MCOLN1: variants seen among roughly 807,000 people sequenced by gnomAD.
The protein encoded by MCOLN1 is mucolipin TRP cation channel 1, also known as mucolipin-1.
In MCOLN1, 50 loss-of-function variants were observed where a neutral mutation model predicts 70.3. That is an observed-to-expected ratio of 0.71 (90% CI 0.57 to 0.90). The LOEUF is 0.90. MCOLN1 is among the 40% of genes least tolerant of loss of function. The pLI, the probability that MCOLN1 is intolerant of heterozygous loss-of-function variation, is 0.00. For synonymous variants in MCOLN1, 366 were observed against 341.0 expected (o/e 1.07, Z -0.81); for missense variants, 598 against 803.5 (o/e 0.74, Z 3.09).
chr19:7,528,754 G>A lies in MCOLN1; in HGVS notation c.984+51G>A. On this transcript the variant is annotated intron_variant, in intron 8 of 13. Transcript: ENST00000264079. This position sits in a 1 kb window ranked among gnomAD's most constrained non-coding sequence, Gnocchi z 4.2. ...GGTGTCCTCCCCGCCTGGCCCTGGG[G>A]CGATAAAAGCCAGGGCTTTGAGGGT... is the stretch of plus-strand genomic sequence containing the variant. The A allele has an allele frequency of 1.2e-6, 2 of 1,614,180 alleles. No individual in the cohort carries two copies. The highest frequency in any genetic ancestry group is 1.7e-6 in the Non-Finnish European group (2 of 1,180,012).
intron 10 of MCOLN1, 125 bp from the exon 11 acceptor site, chr19:7,529,465 G>A: frequency 7.8e-7 from 1 of 1,279,746 alleles, no homozygotes; most frequent in Non-Finnish European, 1.1e-6. Context: ...GGCACCCACT[G>A]GCTCCCATGA....
chr19:7,529,852 G>A (rs912724347), intron 11 of MCOLN1, 140 bp downstream of exon 11: 1 of 1,049,508 alleles, frequency 9.5e-7, no homozygotes, highest in African/African-American at 1.6e-5. Flanking sequence ...CACTGACCCT[G>A]TGCCATTATT....
chr19:7,526,715 C>T lies in MCOLN1; in HGVS notation c.406-46C>T. The stretch of plus-strand genomic sequence containing the variant: ...CGGGCAGGTGCAGGTGGGTGGGCTG[C>T]AGAGAGCGGGCCGGACTCACAGGCC... On this transcript the variant is annotated intron_variant, in intron 3 of 13. Coordinates refer to ENST00000264079, the MANE Select transcript of MCOLN1 (RefSeq NM_020533.3). The surrounding 1 kb of genome is among the most constrained non-coding windows in gnomAD (Gnocchi z 4.6). 6.2e-7 allele frequency: 1 copy of T among 1,609,028 alleles called. No individual in the cohort carries two copies. Among genetic ancestry groups the T allele is most frequent in the Non-Finnish European group, 8.5e-7 (1 of 1,179,536 alleles).
rs944644557 is a variant in MCOLN1 at position 7,526,153 on chromosome 19, C to T, written c.238-286C>T. 1.4e-5 allele frequency: 7 copies of T among 516,434 alleles called. No homozygotes were observed. In the East Asian group the frequency reaches 1.8e-4, roughly 13 times the overall value. The allele number at this position is 516,434 out of a possible 1,614,324, so 32.0% of individuals were successfully genotyped here. On this transcript the variant is annotated intron_variant, in intron 2 of 13. Coordinates refer to ENST00000264079, the MANE Select transcript of MCOLN1 (RefSeq NM_020533.3). This position sits in a 1 kb window ranked among gnomAD's most constrained non-coding sequence, Gnocchi z 4.6. ...GGACATCCAGTAAACATTTAATGAA[C>T]GTTAGTCCCTGCAGTGAGATAGATG...
intron 12 of MCOLN1, among the ~76,000 whole-genome samples, chr19:7,530,714 C>T (rs544933192): frequency 6.6e-6 from 1 of 152,182 alleles, no homozygotes; most frequent in South Asian, 2.1e-4. Context: ...TCAGTCTTTG[C>T]CAACAGGGCA....
chr19:7,523,305 T>C (rs1177923420), intron 1 of MCOLN1, among the ~76,000 whole-genome samples: 5 of 152,356 alleles, frequency 3.3e-5, no homozygotes, highest in African/African-American at 1.2e-4. Context: ...TAGCCAATTC[T>C]GATGCCACCC....
Position 7,522,667 on chromosome 19 carries a change from G to T in MCOLN1, c.-84G>T. The T allele has an allele frequency of 7.3e-7, 1 of 1,363,654 alleles. No homozygotes were observed. The highest frequency in any genetic ancestry group is 1.5e-5 in the South Asian group (1 of 68,698). The allele number at this position is 1,363,654 out of a possible 1,614,324, so 84.5% of individuals were successfully genotyped here. On this transcript the variant is annotated 5_prime_UTR_variant, in exon 1 of 14. Coordinates refer to ENST00000264079, the MANE Select transcript of MCOLN1 (RefSeq NM_020533.3). ...GAGGGTTTGAAGCCGCGCCGCGAGG[G>T]AGCGAGGTCGCAGTGACAGCGGCGG...
At chr19:7,523,133 C>G (rs1421056908) in intron 1 of MCOLN1, among the ~76,000 whole-genome samples, 1 of 152,244 alleles carries the variant, frequency 6.6e-6, no homozygotes, top group Non-Finnish European at 1.5e-5. Context: ...GCTTCTCCAA[C>G]CCGCACGTGA....
Position 7,527,284 on chromosome 19 carries a change from A to C in MCOLN1, c.572-236A>C, listed in dbSNP as rs570633914. On this transcript the variant is annotated intron_variant, in intron 4 of 13. Transcript: ENST00000264079. ...GAGACCCTGTCTCAAAAAAAAAAAA[A>C]AAAAAAAAAAACAAGTATGCTTAGT... 1.2e-3 allele frequency: 628 copies of C among 545,690 alleles called. 5 individuals are homozygous for C. The highest frequency in any genetic ancestry group is 0.011 in the African/African-American group (577 of 52,238). The allele number at this position is 545,690 out of a possible 1,614,324, so 33.8% of individuals were successfully genotyped here.
In MCOLN1 at chr19:7,531,669, A is replaced by C. The variant is rs1458274451; in HGVS notation, c.1575+1168A>C. 4.6e-5 allele frequency among the ~76,000 whole-genome samples: 7 copies of C among 150,836 alleles called. No homozygotes were observed. The East Asian group carries it at 5.9e-4, about 13-fold the overall frequency. ...GACCCTGCCCAAGGTTAGCTTCTTT[A>C]TTTATTTATTTTTTTTGAGACGGAG... On this transcript the variant is annotated intron_variant, in intron 12 of 13. Transcript: ENST00000264079.
chr19:7,528,327 G>C lies in MCOLN1; in HGVS notation c.877+70G>C, dbSNP rs2022602779. Reference sequence around the variant, plus strand: ...CTGTCCTGGGATTCCCCAAGCCCCAGATCAGCGCTGCCTGGGGGCCGTGAC... The same window carrying C: ...CTGTCCTGGGATTCCCCAAGCCCCACATCAGCGCTGCCTGGGGGCCGTGAC... On this transcript the variant is annotated intron_variant, in intron 7 of 13. Coordinates refer to ENST00000264079, the MANE Select transcript of MCOLN1 (RefSeq NM_020533.3). The surrounding 1 kb of genome is among the most constrained non-coding windows in gnomAD (Gnocchi z 4.2). 2 of 1,457,266 alleles carry C rather than the reference G, an allele frequency of 1.4e-6. No homozygotes were observed. Among genetic ancestry groups the C allele is most frequent in the African/African-American group, 1.4e-5 (1 of 71,702 alleles). The allele number at this position is 1,457,266 out of a possible 1,614,324, so 90.3% of individuals were successfully genotyped here.
chr19:7,533,494 A>G lies in MCOLN1; in HGVS notation c.1576-29A>G, dbSNP rs199919395. On this transcript the variant is annotated intron_variant, in intron 12 of 13. Transcript: ENST00000264079. ...GCCTTGGAGGTTGGGAGCCACTTTC[A>G]GGCTGAGCCTCCCGGCTTCTCTCCC... The G allele has an allele frequency of 6.8e-4, 1,089 of 1,609,926 alleles. 4 individuals carry two copies. The African/African-American group carries it at 0.011, about 17-fold the overall frequency.
Position 7,533,566 on chromosome 19 carries a change from A to G in MCOLN1, c.1619A>G (p.Tyr540Cys), listed in dbSNP as rs2022701374. ...GCAGAGGAGAGCGAGCTGCAGGCCT[A>G]CATCGCACAGTGCCAGGACAGCCCC... ...AGAEESELQAYIAQCQDSPTS... is the reference protein window; with the variant it reads ...AGAEESELQACIAQCQDSPTS... Residue 540 changes from tyrosine to cysteine, a missense_variant, in exon 13 of 14, where the codon TAC becomes TGC. This residue lies in a region of MCOLN1 where 59 missense variants were observed against 58.8 expected (regional missense o/e 1.00). Transcript: ENST00000264079. 6.2e-7 allele frequency: 1 copy of G among 1,612,448 alleles called. No homozygotes were observed.
Position 7,526,637 on chromosome 19 carries a change from A to G in MCOLN1, c.405+31A>G, listed in dbSNP as rs561487958. 1.5e-4 allele frequency: 217 copies of G among 1,437,206 alleles called. 1 individual carries two copies. Among genetic ancestry groups the G allele is most frequent in the African/African-American group, 5.1e-4 (32 of 63,120 alleles). The allele number at this position is 1,437,206 out of a possible 1,614,324, so 89.0% of individuals were successfully genotyped here. ...GGTGGGCGGGCAGGTGCTGGTGGGC[A>G]GGCAGGTGCAGGTGGGCGGGCAGGT... is the stretch of plus-strand genomic sequence containing the variant. On this transcript the variant is annotated intron_variant, in intron 3 of 13. Coordinates refer to ENST00000264079, the MANE Select transcript of MCOLN1 (RefSeq NM_020533.3). The surrounding 1 kb of genome is among the most constrained non-coding windows in gnomAD (Gnocchi z 4.6).
In MCOLN1 at chr19:7,527,032, T is replaced by C; in HGVS notation, c.571+106T>C. On this transcript the variant is annotated intron_variant, in intron 4 of 13. Transcript: ENST00000264079. ...GCTCACGCCTATAATACCAGCACTT[T>C]GGGAGGCTGAGGAGGAAGGATTGCT... 5.5e-6 allele frequency: 8 copies of C among 1,445,050 alleles called. No homozygotes were observed. The South Asian group carries it at 9.2e-5, about 17-fold the overall frequency. The allele number at this position is 1,445,050 out of a possible 1,614,324, so 89.5% of individuals were successfully genotyped here. A position where few individuals can be genotyped will look rare whatever the true frequency, so the allele number is the denominator to read the frequency against.
chr19:7,527,164 C>G (rs1383164949), intron 4 of MCOLN1: 11 of 605,068 alleles, frequency 1.8e-5, no homozygotes, highest in African/African-American at 1.7e-4. Flanking sequence ...CCCAGCTACT[C>G]AGGAGGCTGA....
rs750910015 is a variant in MCOLN1, at chr19:7,525,046, A to G, written c.117A>G (p.Glu39=). 6 of 1,614,128 alleles carry G rather than the reference A, an allele frequency of 3.7e-6. No homozygotes were observed. The highest frequency in any genetic ancestry group is 3.3e-5 in the Admixed American group (2 of 60,028). ...SPAPPTPPEE[E]DLRRRLKYFF... ...CCCCTCCGACACCCCCAGAAGAGGAAGACCTTCGCCGTCGTCTCAAATACT... is the reference window on the plus strand; with the variant it reads ...CCCCTCCGACACCCCCAGAAGAGGAGGACCTTCGCCGTCGTCTCAAATACT... Residue 39 remains glutamate (E), a synonymous_variant, in exon 2 of 14, where the codon GAA becomes GAG. Transcript: ENST00000264079. This position sits in a 1 kb window ranked among gnomAD's most constrained non-coding sequence, Gnocchi z 4.2.
At chr19:7,522,929 C>A in intron 1 of MCOLN1, 148 bp downstream of exon 1, 1 of 692,438 alleles carries the variant, frequency 1.4e-6, no homozygotes, top group Non-Finnish European at 2.1e-6. Context: ...GCTCCTAGAA[C>A]TTGGGCGGCG....
chr19:7,532,169 G>C (rs2018973740), intron 12 of MCOLN1, among the ~76,000 whole-genome samples: 1 of 152,242 alleles, frequency 6.6e-6, no homozygotes, highest in African/African-American at 2.4e-5. Flanking sequence ...TAAGGGCCAA[G>C]ATCTGTGCTG....
Sources: allele counts gnomAD v4.1 joint callset (sites outside exome capture counted in the v4.1 genomes callset), GRCh38; gene constraint gnomAD v4.1.1; regional missense constraint gnomAD v4.1.1; non-coding constraint Gnocchi (gnomAD v3.1); transcripts MANE v1.5; gene names NCBI Gene and HGNC (gene_info 2026-07-23, HGNC 2026-07-21).